Variants in DSCAML1 observed in about 807,000 individuals in gnomAD.
DSCAML1 encodes cell adhesion molecule DSCAML1.
In DSCAML1, 38 loss-of-function variants were observed where a neutral mutation model predicts 200.5. That is an observed-to-expected ratio of 0.19 (90% CI 0.15 to 0.25). The LOEUF (loss-of-function observed/expected upper bound fraction) is 0.25, where lower values mean the gene tolerates loss of function less well. Ranked by LOEUF, DSCAML1 falls within the 10% of genes least tolerant of loss-of-function variation. The pLI is 1.00. For missense variants in DSCAML1, 2,223 were observed against 2,858.8 expected (o/e 0.78, Z 5.07); for synonymous variants, 1,215 against 1,165.0 (o/e 1.04, Z -0.87).
At position 117,437,819 on chromosome 11, in the gene DSCAML1, A is replaced by G. The variant is rs2047951538; in HGVS notation, c.4432+76T>C. Reference sequence around the variant, plus strand: ...TCCTTCCCCACCCCAGCCACCTTACACCCCATACCTGGCCCCTCTAGCCCA... The same window carrying G: ...TCCTTCCCCACCCCAGCCACCTTACGCCCCATACCTGGCCCCTCTAGCCCA... On this transcript the variant is annotated intron_variant, in intron 25 of 32. Transcript: ENST00000651296. The surrounding 1 kb of genome is among the most constrained non-coding windows in gnomAD (Gnocchi z 5.3). 7 of 1,433,324 alleles carry G rather than the reference A, an allele frequency of 4.9e-6. No individual in the cohort carries two copies. In the South Asian group the frequency reaches 1.0e-4, roughly 20 times the overall value. The allele number at this position is 1,433,324 out of a possible 1,614,324, so 88.8% of individuals were successfully genotyped here. A position where few individuals can be genotyped will look rare whatever the true frequency, so the allele number is the denominator to read the frequency against.
intron 19 of DSCAML1, among the ~76,000 whole-genome samples, chr11:117,457,000 C>G (rs2048384138): frequency 2.0e-5 from 3 of 152,114 alleles, no homozygotes; most frequent in African/African-American, 7.2e-5. Context: ...ATTGCCAGCA[C>G]CTTGGTAGCC....
intron 3 of DSCAML1, among the ~76,000 whole-genome samples, chr11:117,665,269 G>A (rs900245656): frequency 6.6e-6 from 1 of 152,232 alleles, no homozygotes; most frequent in African/African-American, 2.4e-5. Context: ...CAAGGGGACT[G>A]GAAGTCGGCT....
At chr11:117,665,184 G>A (rs1242495643) in intron 3 of DSCAML1, among the ~76,000 whole-genome samples, 1 of 152,186 alleles carries the variant, frequency 6.6e-6, no homozygotes, top group Non-Finnish European at 1.5e-5. Flanking sequence ...CCTTGTTCAT[G>A]TGGGCCCAGT....
At chr11:117,466,761 C>T (rs1024183528) in intron 16 of DSCAML1, among the ~76,000 whole-genome samples, 18 of 152,156 alleles carry the variant, frequency 1.2e-4, no homozygotes, top group Admixed American at 3.9e-4. Context: ...TGAAAAAGCT[C>T]TGGAAGTGCT....
chr11:117,586,154 A>G (rs1265508464), intron 3 of DSCAML1, among the ~76,000 whole-genome samples: 1 of 152,182 alleles, frequency 6.6e-6, no homozygotes, highest in Non-Finnish European at 1.5e-5. Flanking sequence ...TGACTTTCCA[A>G]GATCACACAG....
chr11:117,569,334 C>T (rs1339762981), intron 3 of DSCAML1, among the ~76,000 whole-genome samples: 4 of 152,152 alleles, frequency 2.6e-5, no homozygotes, highest in African/African-American at 7.2e-5. Flanking sequence ...TCTAAAACAC[C>T]GAAAGCAATG....
intron 3 of DSCAML1, among the ~76,000 whole-genome samples, chr11:117,636,962 T>G (rs1247816567): frequency 6.6e-6 from 1 of 152,206 alleles, no homozygotes; most frequent in East Asian, 1.9e-4. Flanking sequence ...AAATACACCC[T>G]GTTCATGAAC....
At chr11:117,584,078 C>G (rs976375896) in intron 3 of DSCAML1, among the ~76,000 whole-genome samples, 3 of 152,070 alleles carry the variant, frequency 2.0e-5, no homozygotes, top group South Asian at 4.1e-4. Context: ...CTCCTACCCC[C>G]CTGTGCAATA....
At position 117,558,706 on chromosome 11, in the gene DSCAML1, C is replaced by G. The variant is rs139516528; in HGVS notation, c.512-26184G>C. 3.3e-4 allele frequency among the ~76,000 whole-genome samples: 50 copies of G among 152,320 alleles called. 1 individual carries two copies. In the East Asian group the frequency reaches 9.7e-3, roughly 29 times the overall value. Reference sequence around the variant, plus strand: ...ATCGGCAGACTCGCGTCTTAAGAGCCAAGCTCCCCGAAAAAGAAATTCCTA... The same window carrying G: ...ATCGGCAGACTCGCGTCTTAAGAGCGAAGCTCCCCGAAAAAGAAATTCCTA... On this transcript the variant is annotated intron_variant, in intron 3 of 32. Transcript: ENST00000651296.
At chr11:117,758,467 T>C (rs913680617) in intron 3 of DSCAML1, among the ~76,000 whole-genome samples, 3 of 151,900 alleles carry the variant, frequency 2.0e-5, no homozygotes, top group Non-Finnish European at 4.4e-5. Flanking sequence ...AGTGGCGCGA[T>C]CTCGGCTCAC....
At chr11:117,513,911 C>A (rs1448442743) in intron 8 of DSCAML1, among the ~76,000 whole-genome samples, 1 of 152,182 alleles carries the variant, frequency 6.6e-6, no homozygotes, top group Non-Finnish European at 1.5e-5. Flanking sequence ...GCACTGATGG[C>A]AGGAGCTGGG....
intron 3 of DSCAML1, among the ~76,000 whole-genome samples, chr11:117,749,554 C>A (rs1456477918): frequency 6.6e-6 from 1 of 152,234 alleles, no homozygotes; most frequent in Non-Finnish European, 1.5e-5. Flanking sequence ...CAGACAACAG[C>A]ACCAGGCGAC....
chr11:117,435,385 A>C (rs2047892803), intron 27 of DSCAML1, among the ~76,000 whole-genome samples: 1 of 152,236 alleles, frequency 6.6e-6, no homozygotes, highest in Non-Finnish European at 1.5e-5. Flanking sequence ...TTAACAATCA[A>C]CATGGCTTTA....
intron 3 of DSCAML1, among the ~76,000 whole-genome samples, chr11:117,685,509 G>T (rs1352315113): frequency 6.6e-6 from 1 of 152,180 alleles, no homozygotes; most frequent in Non-Finnish European, 1.5e-5. Context: ...GCCCCCAGGG[G>T]CAGACCTGGG....
chr11:117,776,773 C>T lies in DSCAML1; in HGVS notation c.511+18G>A, dbSNP rs762448042. On this transcript the variant is annotated intron_variant, in intron 3 of 32. Transcript: ENST00000651296. ...GAGGGAGCACCTCTGTCTGCCGCAGCCCCGGGACGCTTCTTACCTGGGATG... is the reference window on the plus strand; with the variant it reads ...GAGGGAGCACCTCTGTCTGCCGCAGTCCCGGGACGCTTCTTACCTGGGATG... 3.1e-6 allele frequency: 5 copies of T among 1,613,762 alleles called. No homozygotes were observed. In the South Asian group the frequency reaches 4.4e-5, roughly 14 times the overall value.
At chr11:117,812,457 CCCATATACT>C (rs1232563543) in intron 1 of DSCAML1, among the ~76,000 whole-genome samples, 1 of 152,036 alleles carries the variant, frequency 6.6e-6, no homozygotes, top group Admixed American at 6.6e-5. Context: ...TGGTGCCAAA[CCCATATACT>C]CTCCTATCCG....
At chr11:117,457,488 C>A (rs182845960) in intron 19 of DSCAML1, among the ~76,000 whole-genome samples, 16 of 152,356 alleles carry the variant, frequency 1.1e-4, no homozygotes, top group African/African-American at 3.8e-4. Context: ...TGGGACCAGG[C>A]TCTAGATGCC....
chr11:117,437,007 C>T lies in DSCAML1; in HGVS notation c.4720+115G>A. ...TGCAGGCCAGCATTTCCCCCACCTG[C>T]ATTCCTGCCTGTTTTTCTATTAGTC... On this transcript the variant is annotated intron_variant, in intron 26 of 32. Coordinates refer to ENST00000651296, the MANE Select transcript of DSCAML1 (RefSeq NM_020693.4). This position sits in a 1 kb window ranked among gnomAD's most constrained non-coding sequence, Gnocchi z 5.3. 7.2e-7 allele frequency: 1 copy of T among 1,394,222 alleles called. No individual in the cohort carries two copies. Among genetic ancestry groups the T allele is most frequent in the Non-Finnish European group, 9.6e-7 (1 of 1,041,448 alleles). 86.4% of individuals were successfully genotyped at this position (1,394,222 alleles called of 1,614,324 possible).
chr11:117,431,086 A>G, intron 31 of DSCAML1, 53 bp from the exon 32 acceptor site: 2 of 1,520,326 alleles, frequency 1.3e-6, no homozygotes, highest in African/African-American at 1.4e-5. Flanking sequence ...TATAAGTGAG[A>G]CTGACTGAGC....
Sources: allele counts gnomAD v4.1 joint callset (sites outside exome capture counted in the v4.1 genomes callset), GRCh38; gene constraint gnomAD v4.1.1; non-coding constraint Gnocchi (gnomAD v3.1); transcripts MANE v1.5; gene names NCBI Gene and HGNC (gene_info 2026-07-23, HGNC 2026-07-21).